VPS13B: variants seen among roughly 807,000 people sequenced by gnomAD.
VPS13B encodes the protein vacuolar protein sorting 13 homolog B, also known as intermembrane lipid transfer protein VPS13B.
VPS13B carries 285 observed loss-of-function variants against 426.4 expected under a neutral mutation model. That is an observed-to-expected ratio of 0.67 (90% CI 0.61 to 0.74). The LOEUF (loss-of-function observed/expected upper bound fraction) is 0.74, where lower values mean the gene tolerates loss of function less well. VPS13B is among the 30% of genes least tolerant of loss of function. VPS13B has a pLI of 0.00. For synonymous variants in VPS13B, 1,676 were observed against 1,676.4 expected, an observed-to-expected ratio of 1.00 and a Z score of 0.01; for missense variants, 4,537 against 4,782.6, an observed-to-expected ratio of 0.95 and a Z score of 1.51.
intron 33 of VPS13B, among the ~76,000 whole-genome samples, chr8:99,586,586 T>C (rs2133828544): frequency 1.3e-5 from 2 of 152,272 alleles, no homozygotes; most frequent in South Asian, 4.2e-4. Flanking sequence ...ATTAATCAAA[T>C]GCATGTTAAA....
At chr8:99,198,222 G>C (rs1814064403) in intron 17 of VPS13B, among the ~76,000 whole-genome samples, 1 of 151,798 alleles carries the variant, frequency 6.6e-6, no homozygotes, top group Non-Finnish European at 1.5e-5. Flanking sequence ...CATCTTCCTT[G>C]GCATTAGCAC....
At chr8:99,158,998 A>T (rs1169067278) in intron 15 of VPS13B, among the ~76,000 whole-genome samples, 1 of 152,238 alleles carries the variant, frequency 6.6e-6, no homozygotes, top group East Asian at 1.9e-4. Flanking sequence ...TTTGGAAAAG[A>T]TTCATCAATC....
intron 23 of VPS13B, among the ~76,000 whole-genome samples, chr8:99,456,690 G>A (rs2133476302): frequency 6.6e-6 from 1 of 152,214 alleles, no homozygotes; most frequent in East Asian, 1.9e-4. Context: ...TATGGTGCTG[G>A]ATATGATTTG....
At chr8:99,430,649 A>C (rs2133409203) in intron 21 of VPS13B, among the ~76,000 whole-genome samples, 1 of 152,198 alleles carries the variant, frequency 6.6e-6, no homozygotes. Context: ...CATTTTATTA[A>C]GAAATCTTCC....
rs556013806 is a variant in VPS13B, at chr8:99,247,624, A to G, written c.2516-26574A>G. Among the ~76,000 whole-genome samples, 40 of 152,338 alleles carry G rather than the reference A, an allele frequency of 2.6e-4. No individual in the cohort carries two copies. The South Asian group carries it at 7.5e-3, about 28-fold the overall frequency. On this transcript the variant is annotated intron_variant, in intron 17 of 61. Coordinates refer to ENST00000357162, the MANE Select transcript of VPS13B (RefSeq NM_152564.5). ...ACACAAAGTGTTCTGTATTGGTTCT[A>G]TATTATTCCCCTGGAATGATGTGTT...
At chr8:99,245,235 ATAG>A (rs1305095717) in intron 17 of VPS13B, among the ~76,000 whole-genome samples, 1 of 152,226 alleles carries the variant, frequency 6.6e-6, no homozygotes, top group Non-Finnish European at 1.5e-5. Context: ...TTCAGTGGTG[ATAG>A]TGACTGTTTA....
intron 3 of VPS13B, chr8:99,091,935 C>G (rs973722349): frequency 1.3e-5 from 2 of 152,202 alleles, no homozygotes; most frequent in Non-Finnish European, 2.9e-5. Flanking sequence ...TTTCACTGTC[C>G]ACTTTCTCCT....
chr8:99,511,025 A>T, intron 28 of VPS13B, 79 bp from the exon 29 acceptor site: 1 of 1,493,872 alleles, frequency 6.7e-7, no homozygotes, highest in Non-Finnish European at 9.2e-7. Flanking sequence ...ATACTCACTG[A>T]GGTCATTTTC....
At chr8:99,172,985 T>C (rs913540597) in intron 16 of VPS13B, among the ~76,000 whole-genome samples, 8 of 152,304 alleles carry the variant, frequency 5.3e-5, no homozygotes, top group African/African-American at 1.9e-4. Context: ...GATTTCTGCC[T>C]AAGAATAATG....
intron 15 of VPS13B, among the ~76,000 whole-genome samples, chr8:99,168,796 G>A (rs563248048): frequency 1.3e-4 from 20 of 152,074 alleles, no homozygotes; most frequent in Non-Finnish European, 2.2e-4. Context: ...GTGCTGATGG[G>A]TGCATCACTT....
At chr8:99,658,659 CAT>C (rs1830106793) in intron 34 of VPS13B, among the ~76,000 whole-genome samples, 2 of 152,254 alleles carry the variant, frequency 1.3e-5, no homozygotes, top group South Asian at 4.1e-4. Context: ...AATTCCTACA[CAT>C]TAATTTCCTA....
At chr8:99,132,635 C>T (rs1369354969) in intron 8 of VPS13B, among the ~76,000 whole-genome samples, 1 of 151,676 alleles carries the variant, frequency 6.6e-6, no homozygotes, top group Admixed American at 6.5e-5. Flanking sequence ...TATAGCCTTA[C>T]GAAATGTATT....
At chr8:99,347,370 G>A (rs1391068152) in intron 19 of VPS13B, 4 of 166,438 alleles carry the variant, frequency 2.4e-5, no homozygotes, top group African/African-American at 9.5e-5. Context: ...ATTTTTACCT[G>A]TCATTTATAA....
chr8:99,420,055 G>A (rs960783368), intron 21 of VPS13B, among the ~76,000 whole-genome samples: 1 of 152,116 alleles, frequency 6.6e-6, no homozygotes, highest in Non-Finnish European at 1.5e-5. Context: ...ATTGATTTAA[G>A]TACTAAACCT....
At chr8:99,823,287 T>C (rs979039374) in intron 50 of VPS13B, among the ~76,000 whole-genome samples, 3 of 152,208 alleles carry the variant, frequency 2.0e-5, no homozygotes, top group Admixed American at 1.3e-4. Flanking sequence ...TGTGAGGATT[T>C]TGTGAGTTAA....
At chr8:99,192,740 A>G (rs1169859439) in intron 16 of VPS13B, 136 bp from the exon 17 acceptor site, 1 of 791,936 alleles carries the variant, frequency 1.3e-6, no homozygotes, top group African/African-American at 1.7e-5. Context: ...TTGCATATCT[A>G]TTTTGTTTAA....
intron 19 of VPS13B, among the ~76,000 whole-genome samples, chr8:99,367,954 A>C (rs1812982281): frequency 6.6e-6 from 1 of 152,094 alleles, no homozygotes; most frequent in South Asian, 2.1e-4. Context: ...GCACCTGACC[A>C]TTTGGTTCCA....
At chr8:99,081,510 G>A (rs1845455409) in intron 3 of VPS13B, among the ~76,000 whole-genome samples, 1 of 151,528 alleles carries the variant, frequency 6.6e-6, no homozygotes, top group South Asian at 2.1e-4. Context: ...GTGCCATGTT[G>A]GTGTGCTGCA....
chr8:99,409,949 T>G (rs767557467), intron 21 of VPS13B, among the ~76,000 whole-genome samples: 1 of 152,164 alleles, frequency 6.6e-6, no homozygotes, highest in Non-Finnish European at 1.5e-5. Context: ...CTATATATTC[T>G]CACTTATAAG....
Sources: allele counts gnomAD v4.1 joint callset (sites outside exome capture counted in the v4.1 genomes callset), GRCh38; gene constraint gnomAD v4.1.1; transcripts MANE v1.5; gene names NCBI Gene and HGNC (gene_info 2026-07-23, HGNC 2026-07-21).